The following HMGXB4 variants were observed in gnomAD, a reference collection of about 807,000 sequenced individuals.
HMGXB4 encodes the protein HMG-box containing 4.
In HMGXB4, 27 loss-of-function variants were observed where a neutral mutation model predicts 63.9. That is an observed-to-expected ratio of 0.42 (90% CI 0.31 to 0.58). HMGXB4 has a LOEUF of 0.58. Among genes scored for constraint, HMGXB4 ranks in the 20% least tolerant of loss-of-function variants. HMGXB4 has a pLI of 0.13. For missense variants in HMGXB4, 624 were observed against 700.7 expected (o/e 0.89, Z 1.24); for synonymous variants, 264 against 265.3 (o/e 0.99, Z 0.05).
rs187164031 is a variant in HMGXB4, at chr22:35,289,362, G to A, written c.1638+955G>A. ...TAGTCCCAGCTACTCGGAAGGCTGA[G>A]GCAGATGGATTGCTTGAGCCCAGGA... On this transcript the variant is annotated intron_variant, in intron 9 of 10. Coordinates refer to ENST00000216106, the MANE Select transcript of HMGXB4 (RefSeq NM_001003681.3). 5.3e-5 allele frequency among the ~76,000 whole-genome samples: 8 copies of A among 152,168 alleles called. No homozygotes were observed. The East Asian group carries it at 1.5e-3, about 29-fold the overall frequency.
At chr22:35,253,132 C>CAAAAAAAAAAAAA (rs554912249), upstream of HMGXB4, among the ~76,000 whole-genome samples, 2 of 96,558 alleles carry the variant, frequency 2.1e-5, no homozygotes, top group African/African-American at 1.0e-4. Context: ...AACTCCATCT[C>CAAAAAAAAAAAAA]AAAAAAAAAA....
In HMGXB4 at chr22:35,265,465, A is replaced by C; in HGVS notation, c.1077A>C (p.Thr359=). 2 of 1,614,168 alleles carry C rather than the reference A, an allele frequency of 1.2e-6. No individual in the cohort carries two copies. The highest frequency in any genetic ancestry group is 3.3e-5 in the Admixed American group (2 of 60,018). Residue 359 remains threonine (T), a synonymous_variant, in exon 5 of 11, where the codon ACA becomes ACC. Transcript: ENST00000216106. ...TGCCAGTGGGAGAGGTCACAGTGACATCTGGCCCTCCTCCCAGCATCCCAT... is the reference window on the plus strand; with the variant it reads ...TGCCAGTGGGAGAGGTCACAGTGACCTCTGGCCCTCCTCCCAGCATCCCAT... ...SAVPVGEVTV[T]SGPPPSIPYA...
intron 5 of HMGXB4, among the ~76,000 whole-genome samples, chr22:35,274,627 C>T (rs1923800236): frequency 6.6e-6 from 1 of 152,178 alleles, no homozygotes; most frequent in African/African-American, 2.4e-5. Context: ...CGGGACATAC[C>T]TGTTCATGGC....
chr22:35,259,728 T>G (rs1039208154), intron 1 of HMGXB4, among the ~76,000 whole-genome samples: 3 of 152,254 alleles, frequency 2.0e-5, no homozygotes, highest in African/African-American at 7.2e-5. Context: ...GTGTTTAATT[T>G]TAGTTTTTCA....
At chr22:35,279,641 T>C (rs1316637640) in intron 5 of HMGXB4, among the ~76,000 whole-genome samples, 1 of 151,520 alleles carries the variant, frequency 6.6e-6, no homozygotes, top group Non-Finnish European at 1.5e-5. Context: ...TATTTTGAGT[T>C]AATTTGTGAA....
At chr22:35,285,234 C>G (rs1311943664) in intron 6 of HMGXB4, among the ~76,000 whole-genome samples, 3 of 152,142 alleles carry the variant, frequency 2.0e-5, no homozygotes, top group African/African-American at 7.2e-5. Context: ...AACGAGACCT[C>G]ATCTCTACAA....
rs1428031511 is a variant in HMGXB4 at position 35,265,013 on chromosome 22, G to A, written c.625G>A (p.Glu209Lys). 1.4e-5 allele frequency: 22 copies of A among 1,613,806 alleles called. No homozygotes were observed. The highest frequency in any genetic ancestry group is 1.9e-5 in the Non-Finnish European group (22 of 1,179,916). ...KEKGSSSVDE[E>K]SFQYPSQQAT... The stretch of plus-strand genomic sequence containing the variant: ...GAAGGGAAGCAGCTCTGTTGATGAG[G>A]AGTCTTTTCAATATCCCTCCCAACA... The change falls in exon 5 of 11, where the codon GAG becomes AAG. Residue 209 changes from glutamate to lysine, a missense_variant. Physicochemically the swap from Glu to Lys is moderately conservative, Grantham distance 56. Transcript: ENST00000216106.
At chr22:35,282,341 T>C (rs182893338) in intron 5 of HMGXB4, among the ~76,000 whole-genome samples, 32 of 152,274 alleles carry the variant, frequency 2.1e-4, no homozygotes, top group African/African-American at 7.2e-4. Context: ...CATGCCCGGC[T>C]AATTTTTTAT....
intron 9 of HMGXB4, 115 bp from the exon 10 acceptor site, chr22:35,292,877 A>G (rs1291763084): frequency 8.0e-7 from 1 of 1,251,650 alleles, no homozygotes; most frequent in Non-Finnish European, 1.1e-6. Flanking sequence ...TTTCTGCTGT[A>G]AAGTTTCAAA....
chr22:35,247,235 G>T, the HMGXB4 span, among the ~76,000 whole-genome samples: 1 of 152,196 alleles, frequency 6.6e-6, no homozygotes, highest in African/African-American at 2.4e-5. Context: ...TTCAAGGTTT[G>T]TTTCTAAGCC....
At chr22:35,285,020 T>G (rs1924480283) in intron 6 of HMGXB4, among the ~76,000 whole-genome samples, 1 of 152,234 alleles carries the variant, frequency 6.6e-6, no homozygotes, top group South Asian at 2.1e-4. Flanking sequence ...TTCTAATCAT[T>G]CAGAAATTTG....
chr22:35,254,348 G>C (rs746519970), upstream of HMGXB4, among the ~76,000 whole-genome samples: 1 of 152,198 alleles, frequency 6.6e-6, no homozygotes, highest in South Asian at 2.1e-4. Context: ...AAATGCAAGA[G>C]AACTATGAAA....
the HMGXB4 span, among the ~76,000 whole-genome samples, chr22:35,250,835 C>T: frequency 6.6e-6 from 1 of 152,248 alleles, no homozygotes; most frequent in Non-Finnish European, 1.5e-5. Flanking sequence ...CAGTCTCTAC[C>T]CACATGGCTT....
chr22:35,278,251 C>G (rs1241997533), intron 5 of HMGXB4, among the ~76,000 whole-genome samples: 1 of 152,118 alleles, frequency 6.6e-6, no homozygotes, highest in Non-Finnish European at 1.5e-5. Context: ...TATTCATTCA[C>G]TGATTGTAAG....
chr22:35,273,268 C>T (rs778279779), intron 5 of HMGXB4, among the ~76,000 whole-genome samples: 4 of 152,154 alleles, frequency 2.6e-5, no homozygotes, highest in Non-Finnish European at 5.9e-5. Context: ...ATCATTAGCC[C>T]CACTGACGGA....
intron 5 of HMGXB4, among the ~76,000 whole-genome samples, chr22:35,280,221 G>A (rs1924161695): frequency 1.3e-5 from 2 of 152,082 alleles, no homozygotes; most frequent in African/African-American, 4.8e-5. Flanking sequence ...GGTCTTGGGG[G>A]CCATCTTATA....
intron 9 of HMGXB4, among the ~76,000 whole-genome samples, chr22:35,290,549 T>TGGAGGCAGGA: frequency 6.9e-6 from 1 of 144,604 alleles, no homozygotes; most frequent in South Asian, 2.1e-4. Flanking sequence ...GAGAATGGCG[T>TGGAGGCAGGA]GAACCCAGGA....
At chr22:35,259,321 T>C (rs1014429434) in intron 1 of HMGXB4, among the ~76,000 whole-genome samples, 4 of 152,224 alleles carry the variant, frequency 2.6e-5, no homozygotes, top group African/African-American at 9.6e-5. Flanking sequence ...CCTCTTGGAG[T>C]TGACAACATT....
In HMGXB4 at chr22:35,287,959, A is replaced by G. The variant is rs1205708587; in HGVS notation, c.1469-279A>G. Among the ~76,000 whole-genome samples the G allele has an allele frequency of 3.3e-5, 5 of 152,246 alleles. No homozygotes were observed. In the South Asian group the frequency reaches 6.2e-4, roughly 19 times the overall value. On this transcript the variant is annotated intron_variant, in intron 8 of 10. Transcript: ENST00000216106. ...GCAAAACTCCATCTCAAAAAAAAAA[A>G]GGTCCAGAGAGTAAATATTATAGGC...
Sources: allele counts gnomAD v4.1 joint callset (sites outside exome capture counted in the v4.1 genomes callset), GRCh38; gene constraint gnomAD v4.1.1; transcripts MANE v1.5; gene names NCBI Gene and HGNC (gene_info 2026-07-23, HGNC 2026-07-21).